The following GABRB1 variants were observed in gnomAD, a reference collection of about 807,000 sequenced individuals.
The protein encoded by GABRB1 is gamma-aminobutyric acid type A receptor subunit beta1, also known as gamma-aminobutyric acid receptor subunit beta-1.
GABRB1 carries 17 observed loss-of-function variants against 51.6 expected under a neutral mutation model. That is an observed-to-expected ratio of 0.33 (90% CI 0.23 to 0.49). The LOEUF is 0.49. GABRB1 is among the 20% of genes least tolerant of loss of function. The pLI, the probability that GABRB1 is intolerant of heterozygous loss-of-function variation, is 0.99. For missense variants in GABRB1, 410 were observed against 600.6 expected, an observed-to-expected ratio of 0.68 and a Z score of 3.32; for synonymous variants, 247 against 218.9, an observed-to-expected ratio of 1.13 and a Z score of -1.14.
rs1577923343 is a variant in GABRB1, at chr4:47,118,583, A to G, written c.241-42666A>G. Among the ~76,000 whole-genome samples the G allele has an allele frequency of 1.3e-5, 2 of 152,198 alleles. 1 individual carries two copies. Among genetic ancestry groups the G allele is most frequent in the Non-Finnish European group, 2.9e-5 (2 of 68,014 alleles). Reference sequence around the variant, plus strand: ...GGATAAAAGCAATATTCAGAATTCCATAATTGACTCTTGGTTATGTACGTG... The same window carrying G: ...GGATAAAAGCAATATTCAGAATTCCGTAATTGACTCTTGGTTATGTACGTG... On this transcript the variant is annotated intron_variant, in intron 3 of 8. Coordinates refer to ENST00000295454, the MANE Select transcript of GABRB1 (RefSeq NM_000812.4).
intron 3 of GABRB1, among the ~76,000 whole-genome samples, chr4:47,107,059 C>T (rs10517179): frequency 0.063 from 9,603 of 152,090 alleles, 783 homozygotes; most frequent in African/African-American, 0.18. Context: ...GTCACATCCT[C>T]TCTGAAACAC....
intron 3 of GABRB1, among the ~76,000 whole-genome samples, chr4:47,142,737 G>A (rs144843048): frequency 3.7e-4 from 56 of 151,930 alleles, no homozygotes; most frequent in African/African-American, 1.2e-3. Flanking sequence ...AAGGAAATTG[G>A]TAATTGATAG....
At chr4:47,106,282 C>T (rs941767948) in intron 3 of GABRB1, among the ~76,000 whole-genome samples, 8 of 151,860 alleles carry the variant, frequency 5.3e-5, no homozygotes, top group Non-Finnish European at 1.2e-4. Context: ...CAAAATTGAA[C>T]AACACAGTGA....
At chr4:47,196,371 GT>G (rs912851627) in intron 4 of GABRB1, among the ~76,000 whole-genome samples, 2 of 152,178 alleles carry the variant, frequency 1.3e-5, no homozygotes, top group African/African-American at 4.8e-5. Flanking sequence ...TCAGACTCTA[GT>G]TGTCTTGCTG....
At chr4:47,197,681 T>A (rs868661819) in intron 4 of GABRB1, among the ~76,000 whole-genome samples, 1 of 152,176 alleles carries the variant, frequency 6.6e-6, no homozygotes, top group South Asian at 2.1e-4. Context: ...AGGAGTCATA[T>A]CCTATTTACT....
chr4:46,994,439 G>A, intron 1 of GABRB1: 1 of 151,206 alleles, frequency 6.6e-6, no homozygotes, highest in Admixed American at 6.6e-5. Context: ...CGGCTGGAGA[G>A]AGAGTGGGGG....
chr4:47,219,796 A>G (rs1177372989), intron 4 of GABRB1, among the ~76,000 whole-genome samples: 1 of 151,866 alleles, frequency 6.6e-6, no homozygotes, highest in Admixed American at 6.6e-5. Context: ...CAACTCACAG[A>G]CTACGTTGTT....
At chr4:47,011,135 G>A (rs1246814201) in intron 1 of GABRB1, among the ~76,000 whole-genome samples, 2 of 152,182 alleles carry the variant, frequency 1.3e-5, no homozygotes, top group Non-Finnish European at 2.9e-5. Flanking sequence ...AAAGGTCAAA[G>A]TACCTAAAAA....
At chr4:47,112,826 G>A (rs766213696) in intron 3 of GABRB1, among the ~76,000 whole-genome samples, 53 of 151,876 alleles carry the variant, frequency 3.5e-4, no homozygotes, top group Non-Finnish European at 1.2e-4. Flanking sequence ...TATTAAGAAA[G>A]TTAATCACAT....
At chr4:47,058,450 C>T (rs894087073) in intron 3 of GABRB1, among the ~76,000 whole-genome samples, 1 of 152,210 alleles carries the variant, frequency 6.6e-6, no homozygotes, top group African/African-American at 2.4e-5. Flanking sequence ...TTTAATTAGA[C>T]ATGCAGAAAG....
chr4:47,329,125 G>A (rs1038736986), intron 5 of GABRB1, among the ~76,000 whole-genome samples: 1 of 152,060 alleles, frequency 6.6e-6, no homozygotes, highest in African/African-American at 2.4e-5. Context: ...GTCTGCCCTT[G>A]AATGGTCACA....
At chr4:47,341,391 G>T (rs1725889330) in intron 5 of GABRB1, among the ~76,000 whole-genome samples, 1 of 152,136 alleles carries the variant, frequency 6.6e-6, no homozygotes, top group Admixed American at 6.6e-5. Flanking sequence ...ATAACCTTTT[G>T]CACTTATGGA....
At chr4:47,417,900 T>C (rs1245136790) in intron 8 of GABRB1, among the ~76,000 whole-genome samples, 1 of 152,266 alleles carries the variant, frequency 6.6e-6, no homozygotes, top group Non-Finnish European at 1.5e-5. Context: ...GCTATACTTA[T>C]ATATTGAAAA....
At chr4:47,297,761 G>A (rs996873087) in intron 4 of GABRB1, among the ~76,000 whole-genome samples, 2 of 152,094 alleles carry the variant, frequency 1.3e-5, no homozygotes, top group African/African-American at 2.4e-5. Flanking sequence ...CATTTTATGA[G>A]GCCAGCATCA....
chr4:47,421,397 G>T (rs1211006472), intron 8 of GABRB1, among the ~76,000 whole-genome samples: 1 of 152,080 alleles, frequency 6.6e-6, no homozygotes, highest in Non-Finnish European at 1.5e-5. Context: ...TACTTAGAGA[G>T]ATTCATAATA....
At chr4:47,403,222 C>T in intron 5 of GABRB1, 96 bp from the exon 6 acceptor site, 1 of 1,375,750 alleles carries the variant, frequency 7.3e-7, no homozygotes, top group African/African-American at 1.4e-5. Context: ...TGCCACCTTA[C>T]CACTTTTGTG....
rs971384946 is a variant in GABRB1, at chr4:47,235,299, C to T, written c.461+73830C>T. Among the ~76,000 whole-genome samples the T allele has an allele frequency of 4.6e-5, 7 of 152,284 alleles. No homozygotes were observed. The South Asian group carries it at 1.0e-3, about 23-fold the overall frequency. On this transcript the variant is annotated intron_variant, in intron 4 of 8. Transcript: ENST00000295454. ...AGGCGCGGTGGATCACGCCTATAATCCCAGCACTTTGGGAGACTAAGGCGG... is the reference window on the plus strand; with the variant it reads ...AGGCGCGGTGGATCACGCCTATAATTCCAGCACTTTGGGAGACTAAGGCGG...
chr4:47,221,354 C>A (rs1462007334), intron 4 of GABRB1, among the ~76,000 whole-genome samples: 1 of 151,908 alleles, frequency 6.6e-6, no homozygotes, highest in Admixed American at 6.6e-5. Context: ...AAATTTTTAT[C>A]CCCATTCTAA....
chr4:47,408,907 A>T (rs1310882390), intron 8 of GABRB1, among the ~76,000 whole-genome samples: 3 of 152,230 alleles, frequency 2.0e-5, no homozygotes, highest in Non-Finnish European at 4.4e-5. Flanking sequence ...AAAATGCAGA[A>T]GACATGAACT....
Sources: allele counts gnomAD v4.1 joint callset (sites outside exome capture counted in the v4.1 genomes callset), GRCh38; gene constraint gnomAD v4.1.1; transcripts MANE v1.5; gene names NCBI Gene and HGNC (gene_info 2026-07-23, HGNC 2026-07-21).